The following OTUD3 variants were observed in gnomAD, a reference collection of about 807,000 sequenced individuals.
OTUD3 encodes the protein OTU domain-containing protein 3.
In OTUD3, 24 loss-of-function variants were observed where a neutral mutation model predicts 46.2. The observed-to-expected ratio is 0.52, with a 90% CI of 0.38 to 0.73. The LOEUF is 0.73. Among genes scored for constraint, OTUD3 ranks in the 30% least tolerant of loss-of-function variants. The pLI is 0.00. For synonymous variants in OTUD3, 189 were observed against 195.4 expected (o/e 0.97, Z 0.27); for missense variants, 455 against 523.3 (o/e 0.87, Z 1.27).
intron 1 of OTUD3, among the ~76,000 whole-genome samples, chr1:19,883,874 A>C (rs1456047118): frequency 6.6e-6 from 1 of 152,204 alleles, no homozygotes; most frequent in Non-Finnish European, 1.5e-5. Context: ...AACTGGTCCT[A>C]ATTTCCCTTT....
chr1:19,888,938 C>T (rs2045409141), intron 1 of OTUD3, among the ~76,000 whole-genome samples: 1 of 152,046 alleles, frequency 6.6e-6, no homozygotes, highest in Admixed American at 6.5e-5. Context: ...ATTAAAAGTT[C>T]CTAGCAAACA....
chr1:19,900,292 C>T (rs976785858), intron 4 of OTUD3, among the ~76,000 whole-genome samples: 74 of 152,068 alleles, frequency 4.9e-4, no homozygotes, highest in Non-Finnish European at 1.2e-4. Flanking sequence ...CAGCCTCAAC[C>T]TCCCAGGCTC....
chr1:19,884,659 T>C (rs1040359492), intron 1 of OTUD3, among the ~76,000 whole-genome samples: 1 of 152,158 alleles, frequency 6.6e-6, no homozygotes, highest in Non-Finnish European at 1.5e-5. Context: ...CACATTCCAT[T>C]AGCTATCAGA....
rs908474092 is a variant in OTUD3, at chr1:19,882,796, C to T, written c.221+62C>T. On this transcript the variant is annotated intron_variant, in intron 1 of 7. Coordinates refer to ENST00000375120, the MANE Select transcript of OTUD3 (RefSeq NM_015207.2). ...GGACGCGCCGGGCTCGGCCTGGCGA[C>T]CGTTGCCCGCTCGCGTCCATCCATC... 9 of 1,235,556 alleles carry T rather than the reference C, an allele frequency of 7.3e-6. No individual in the cohort carries two copies. In the African/African-American group the frequency reaches 1.1e-4, roughly 15 times the overall value. 76.5% of individuals were successfully genotyped at this position (1,235,556 alleles called of 1,614,324 possible). A position where few individuals can be genotyped will look rare whatever the true frequency, so the allele number is the denominator to read the frequency against.
chr1:19,899,109 C>T (rs1052150468), intron 4 of OTUD3, among the ~76,000 whole-genome samples: 1 of 152,134 alleles, frequency 6.6e-6, no homozygotes, highest in Non-Finnish European at 1.5e-5. Context: ...TGGTGCCTGG[C>T]AATTTTAATT....
At chr1:19,887,976 T>C (rs751963191) in intron 1 of OTUD3, among the ~76,000 whole-genome samples, 1 of 152,236 alleles carries the variant, frequency 6.6e-6, no homozygotes, top group Non-Finnish European at 1.5e-5. Context: ...TCAAAACATT[T>C]GCGTGCTCTT....
Position 19,882,695 on chromosome 1 carries a change from A to G in OTUD3, c.182A>G (p.Gln61Arg). The part of the protein sequence containing the change: ...EEFVSFANQL[Q>R]ALGLKLREVP... The stretch of plus-strand genomic sequence containing the variant: ...TTCGTCAGCTTCGCCAACCAGCTGC[A>G]GGCCCTGGGGCTGAAGCTGCGGGAG... The change falls in exon 1 of 8, where the codon CAG (glutamine) becomes CGG (arginine). Residue 61 changes from glutamine (Q) to arginine (R), a missense_variant. By Grantham distance (43) the Gln-to-Arg change is conservative. Coordinates refer to ENST00000375120, the MANE Select transcript of OTUD3 (RefSeq NM_015207.2). The G allele has an allele frequency of 6.9e-7, 1 of 1,451,176 alleles. No homozygotes were observed. The highest frequency in any genetic ancestry group is 9.1e-7 in the Non-Finnish European group (1 of 1,103,346). The allele number at this position is 1,451,176 out of a possible 1,614,324, so 89.9% of individuals were successfully genotyped here.
rs1043699162 is a variant in OTUD3, at chr1:19,907,979, A to G, written c.*233A>G. On this transcript the variant is annotated 3_prime_UTR_variant, in exon 8 of 8. Coordinates refer to ENST00000375120, the MANE Select transcript of OTUD3 (RefSeq NM_015207.2). Reference sequence around the variant, plus strand: ...GAGGCCATTCATATTCTGTAATACAAAATTAAAATACTGAGTTTTAGGGGC... The same window carrying G: ...GAGGCCATTCATATTCTGTAATACAGAATTAAAATACTGAGTTTTAGGGGC... The G allele has an allele frequency of 7.7e-5, 31 of 403,422 alleles. No homozygotes were observed. In the Admixed American group the frequency reaches 1.3e-3, roughly 16 times the overall value. The allele number at this position is 403,422 out of a possible 1,614,324, so 25.0% of individuals were successfully genotyped here. A position where few individuals can be genotyped will look rare whatever the true frequency, so the allele number is the denominator to read the frequency against.
At chr1:19,882,902 C>CA (rs576161402) in intron 1 of OTUD3, among the ~76,000 whole-genome samples, 168 bp downstream of exon 1, 1 of 152,360 alleles carries the variant, frequency 6.6e-6, no homozygotes, top group East Asian at 1.9e-4. Context: ...GTGAGGCGGA[C>CA]AAGCCCCTCG....
At chr1:19,901,858 A>C (rs1264627926) in intron 4 of OTUD3, among the ~76,000 whole-genome samples, 4 of 152,038 alleles carry the variant, frequency 2.6e-5, no homozygotes, top group African/African-American at 9.7e-5. Context: ...ATTCTTTTTT[A>C]TGGCTGAATA....
intron 4 of OTUD3, 41 bp downstream of exon 4, chr1:19,897,703 C>T (rs1344110384): frequency 2.5e-6 from 4 of 1,597,274 alleles, no homozygotes; most frequent in East Asian, 2.3e-5. Flanking sequence ...CCCCGCCCTA[C>T]AGGAAACAGA....
intron 3 of OTUD3, among the ~76,000 whole-genome samples, chr1:19,896,149 CTTT>C (rs2045514281): frequency 6.6e-6 from 1 of 152,104 alleles, no homozygotes; most frequent in African/African-American, 2.4e-5. Context: ...TTGGTTGCTA[CTTT>C]CATGGTTATG....
chr1:19,907,868 A>C lies in OTUD3; in HGVS notation c.*122A>C. The C allele has an allele frequency of 4.9e-5, 40 of 813,932 alleles. No homozygotes were observed. The highest frequency in any genetic ancestry group is 6.1e-5 in the Non-Finnish European group (32 of 527,388). The allele number at this position is 813,932 out of a possible 1,614,324, so 50.4% of individuals were successfully genotyped here. On this transcript the variant is annotated 3_prime_UTR_variant, in exon 8 of 8. Transcript: ENST00000375120. ...ACCAACGAAGCCCACACATGAGCTC[A>C]CACACTGAGTTAGTTTCGTTCAAGC...
At chr1:19,896,595 G>A (rs1472128760) in intron 3 of OTUD3, among the ~76,000 whole-genome samples, 1 of 152,064 alleles carries the variant, frequency 6.6e-6, no homozygotes, top group African/African-American at 2.4e-5. Context: ...TTTGTTCCAT[G>A]GTTTTTGCTT....
rs375831320 is a variant in OTUD3, at chr1:19,892,544, G to A, written c.371-1824G>A. On this transcript the variant is annotated intron_variant, in intron 2 of 7. Transcript: ENST00000375120. ...TAGGATTATTCTTTTCTTTTAGACT[G>A]TGGCTTCAGAGAATCAGCAACATCT... Among the ~76,000 whole-genome samples, 8 of 152,240 alleles carry A rather than the reference G, an allele frequency of 5.3e-5. No individual in the cohort carries two copies. In the East Asian group the frequency reaches 1.5e-3, roughly 29 times the overall value.
intron 1 of OTUD3, among the ~76,000 whole-genome samples, chr1:19,883,751 G>A (rs2045313326): frequency 6.6e-6 from 1 of 152,190 alleles, no homozygotes; most frequent in South Asian, 2.1e-4. Flanking sequence ...AAAGTGCCTA[G>A]ATTACAGGCA....
At chr1:19,895,595 G>A (rs528639177) in intron 3 of OTUD3, among the ~76,000 whole-genome samples, 1 of 152,278 alleles carries the variant, frequency 6.6e-6, no homozygotes, top group East Asian at 1.9e-4. Context: ...GATAGTGCAG[G>A]GATGGTGAGA....
intron 1 of OTUD3, among the ~76,000 whole-genome samples, chr1:19,883,344 T>G (rs2045303226): frequency 6.6e-6 from 1 of 152,164 alleles, no homozygotes; most frequent in African/African-American, 2.4e-5. Flanking sequence ...GGTCCAGCTT[T>G]CTTTAGGGAA....
Position 19,904,300 on chromosome 1 carries a change from A to G in OTUD3, c.640A>G (p.Arg214Gly). 1.2e-6 allele frequency: 2 copies of G among 1,609,254 alleles called. No homozygotes were observed. Among genetic ancestry groups the G allele is most frequent in the South Asian group, 2.2e-5 (2 of 90,192 alleles). ...GCTTCATCAAGATGAATCAAATAAA[A>G]GAGAAAAGATCAAGACAAAGGGAAT... ...QMLHQDESNK[R>G]EKIKTKGMDS... The change falls in exon 5 of 8, where the codon AGA becomes GGA. Residue 214 changes from arginine (R) to glycine (G), a missense_variant. Physicochemically the swap from Arg to Gly is moderately radical, Grantham distance 125 (BLOSUM62 -2). Transcript: ENST00000375120.
Sources: allele counts gnomAD v4.1 joint callset (sites outside exome capture counted in the v4.1 genomes callset), GRCh38; gene constraint gnomAD v4.1.1; transcripts MANE v1.5; gene names NCBI Gene and HGNC (gene_info 2026-07-23, HGNC 2026-07-21).